Variants in FRMPD2 observed in about 807,000 individuals in gnomAD.
The protein encoded by FRMPD2 is FERM and PDZ domain-containing protein 2.
FRMPD2 carries 96 observed loss-of-function variants against 140.1 expected under a neutral mutation model. The observed-to-expected ratio is 0.69, with a 90% CI of 0.58 to 0.81. The LOEUF (loss-of-function observed/expected upper bound fraction) is 0.81, where lower values mean the gene tolerates loss of function less well. FRMPD2 is among the 40% of genes least tolerant of loss of function. The probability of loss-of-function intolerance (pLI) is 0.00; values close to 1 mark genes in which losing one functional copy is unlikely to be tolerated. For missense variants in FRMPD2, 1,240 were observed against 1,447.4 expected, an observed-to-expected ratio of 0.86 and a Z score of 2.32; for synonymous variants, 449 against 547.6, an observed-to-expected ratio of 0.82 and a Z score of 2.52.
chr10:48,230,623 G>A (rs1588843190), intron 10 of FRMPD2, among the ~76,000 whole-genome samples: 1 of 152,286 alleles, frequency 6.6e-6, no homozygotes, highest in East Asian at 1.9e-4. Context: ...AGTAAAAATG[G>A]GGGTAACTGT....
chr10:48,221,670 T>C (rs918062555), intron 12 of FRMPD2, among the ~76,000 whole-genome samples: 2 of 152,250 alleles, frequency 1.3e-5, no homozygotes, highest in Non-Finnish European at 2.9e-5. Flanking sequence ...AGGAATTCAA[T>C]AAATTAGTAA....
intron 20 of FRMPD2, among the ~76,000 whole-genome samples, chr10:48,181,507 T>G (rs1446338495): frequency 6.6e-6 from 1 of 152,116 alleles, no homozygotes; most frequent in Non-Finnish European, 1.5e-5. Context: ...GCAGCCACCA[T>G]GTGATCCAAA....
chr10:48,171,737 A>G (rs1298749880), intron 25 of FRMPD2, among the ~76,000 whole-genome samples: 1 of 152,068 alleles, frequency 6.6e-6, no homozygotes, highest in Non-Finnish European at 1.5e-5. Context: ...GCACAATTAT[A>G]GATAACTCAA....
chr10:48,257,305 AG>A (rs1183965321), intron 1 of FRMPD2, among the ~76,000 whole-genome samples: 1 of 150,474 alleles, frequency 6.6e-6, no homozygotes, highest in Non-Finnish European at 1.5e-5. Flanking sequence ...TTTGAGGCAG[AG>A]TTTCATTCTC....
rs574603503 is a variant in FRMPD2 at position 48,202,208 on chromosome 10, A to G, written c.1798-824T>C. ...TAATTCATATAAAACTTCCAAATAAAATCTTCATTCTAGATATTCTATCTA... is the reference window on the plus strand; with the variant it reads ...TAATTCATATAAAACTTCCAAATAAGATCTTCATTCTAGATATTCTATCTA... On this transcript the variant is annotated intron_variant, in intron 14 of 28. Transcript: ENST00000374201. Among the ~76,000 whole-genome samples, 8 of 152,288 alleles carry G rather than the reference A, an allele frequency of 5.3e-5. No individual in the cohort carries two copies. In the South Asian group the frequency reaches 1.7e-3, roughly 32 times the overall value.
intron 9 of FRMPD2, among the ~76,000 whole-genome samples, chr10:48,234,046 A>G (rs1676723867): frequency 6.6e-6 from 1 of 152,174 alleles, no homozygotes; most frequent in Admixed American, 6.5e-5. Flanking sequence ...ACGCATCTCC[A>G]TGCAAAGGGT....
intron 21 of FRMPD2, 64 bp downstream of exon 21, chr10:48,180,739 C>T (rs1838523673): frequency 3.0e-6 from 2 of 657,384 alleles, no homozygotes; most frequent in Non-Finnish European, 2.7e-6. Flanking sequence ...AGGGGCCAGG[C>T]TGTTGGGCTT....
At chr10:48,259,619 T>A (rs1840544048) in intron 1 of FRMPD2, among the ~76,000 whole-genome samples, 1 of 148,218 alleles carries the variant, frequency 6.7e-6, no homozygotes, top group African/African-American at 2.6e-5. Flanking sequence ...CAGTAGTACA[T>A]GAATGTGTGT....
intron 8 of FRMPD2, among the ~76,000 whole-genome samples, chr10:48,237,429 C>T (rs921843927): frequency 5.3e-5 from 8 of 152,134 alleles, no homozygotes; most frequent in African/African-American, 1.9e-4. Flanking sequence ...GCCAGGCCAG[C>T]GTATGGGAAC....
At chr10:48,174,746 A>G in intron 24 of FRMPD2, 124 bp downstream of exon 24, 1 of 851,424 alleles carries the variant, frequency 1.2e-6, no homozygotes, top group East Asian at 2.6e-5. Flanking sequence ...AGAAAAAAAA[A>G]ACTAACAAAG....
chr10:48,216,024 C>G (rs1449904671), intron 12 of FRMPD2, among the ~76,000 whole-genome samples: 1 of 152,166 alleles, frequency 6.6e-6, no homozygotes, highest in African/African-American at 2.4e-5. Context: ...AAAGACTGAC[C>G]CTCCTGTAGA....
intron 2 of FRMPD2, among the ~76,000 whole-genome samples, chr10:48,250,800 T>C (rs1840360399): frequency 6.7e-6 from 1 of 148,566 alleles, no homozygotes; most frequent in Non-Finnish European, 1.5e-5. Context: ...TCTGCCTTTT[T>C]TTTTTTTTTT....
intron 1 of FRMPD2, among the ~76,000 whole-genome samples, chr10:48,263,683 C>A (rs1054137716): frequency 2.6e-5 from 4 of 151,972 alleles, no homozygotes; most frequent in East Asian, 1.9e-4. Flanking sequence ...AAGCACCAGG[C>A]CCAAAGGATT....
intron 8 of FRMPD2, among the ~76,000 whole-genome samples, chr10:48,236,853 A>G (rs1037501069): frequency 2.0e-5 from 3 of 152,252 alleles, no homozygotes; most frequent in African/African-American, 7.2e-5. Flanking sequence ...TTTTGTATGT[A>G]TCAAAAGTAT....
At chr10:48,213,738 C>A (rs921971160) in intron 12 of FRMPD2, among the ~76,000 whole-genome samples, 18 of 152,132 alleles carry the variant, frequency 1.2e-4, no homozygotes, top group African/African-American at 4.1e-4. Flanking sequence ...AGGCTACTTA[C>A]TGTATGATCA....
In FRMPD2 at chr10:48,217,351, GA is replaced by G. The variant is rs1440513513; in HGVS notation, c.1455+4961del. Among the ~76,000 whole-genome samples, 5 of 152,164 alleles carry G rather than the reference GA, an allele frequency of 3.3e-5. No homozygotes were observed. In the East Asian group the frequency reaches 9.6e-4, roughly 29 times the overall value. On this transcript the variant is annotated intron_variant, in intron 12 of 28. Transcript: ENST00000374201. The stretch of plus-strand genomic sequence containing the variant: ...ATAAAATGAATTCATCATCCCACAT[GA>G]TGACAAATGCTGTGAACAAAAACCC...
chr10:48,273,124 ATGTATT>A (rs1328927837), intron 1 of FRMPD2, among the ~76,000 whole-genome samples: 1 of 152,200 alleles, frequency 6.6e-6, no homozygotes, highest in East Asian at 1.9e-4. Context: ...TTAGATGCAT[ATGTATT>A]TGTTTTTGCT....
At chr10:48,260,545 G>A (rs1021405423) in intron 1 of FRMPD2, among the ~76,000 whole-genome samples, 11 of 152,142 alleles carry the variant, frequency 7.2e-5, no homozygotes, top group African/African-American at 1.2e-4. Flanking sequence ...TCACAGACAC[G>A]TTCCAAAATA....
chr10:48,244,394 GAGCCCAGA>G (rs1019885281), intron 4 of FRMPD2, among the ~76,000 whole-genome samples: 10 of 152,230 alleles, frequency 6.6e-5, no homozygotes, highest in Admixed American at 6.5e-5. Flanking sequence ...CAAATCTATT[GAGCCCAGA>G]AGCCTTTTTC....
Sources: gnomAD v4.1 joint callset for allele counts (sites outside exome capture counted in the v4.1 genomes callset) on GRCh38, gnomAD v4.1.1 for gene constraint, MANE v1.5 for transcripts, NCBI Gene and HGNC (gene_info 2026-07-23, HGNC 2026-07-21) for gene names.